Variants in RELN observed in about 807,000 individuals in gnomAD.
RELN encodes the protein reelin.
Under a neutral mutation model 427.6 loss-of-function variants are expected in RELN, and 108 were observed. That is an observed-to-expected ratio of 0.25 (90% confidence interval 0.22 to 0.30). RELN has a LOEUF of 0.30. Among genes scored for constraint, RELN ranks in the 10% least tolerant of loss-of-function variants. The pLI is 1.00. For synonymous variants in RELN, 1,524 were observed against 1,513.4 expected (o/e 1.01, Z -0.16); for missense variants, 3,715 against 4,302.8 (o/e 0.86, Z 3.82).
chr7:103,679,955 G>C (rs1833618786), intron 11 of RELN, among the ~76,000 whole-genome samples: 1 of 152,138 alleles, frequency 6.6e-6, no homozygotes, highest in Non-Finnish European at 1.5e-5. Context: ...GTTACTCATA[G>C]AGAGCTGAAT....
chr7:103,505,792 A>G (rs1161888899), intron 51 of RELN, among the ~76,000 whole-genome samples: 1 of 152,206 alleles, frequency 6.6e-6, no homozygotes, highest in Admixed American at 6.5e-5. Context: ...AACTCCTCCA[A>G]GCTAAAGGCG....
intron 4 of RELN, among the ~76,000 whole-genome samples, chr7:103,773,100 T>TTTTCTTTCTTTCTTTCTTTCTTTCTTTC (rs550940718): frequency 4.7e-5 from 6 of 128,704 alleles, no homozygotes; most frequent in Admixed American, 7.9e-5. Flanking sequence ...GGTTCTCCTC[T>TTTTCTTTCTTTCTTTCTTTCTTTCTTTC]TTTCTTTCTT....
chr7:103,821,799 G>T (rs1339630044), intron 3 of RELN, among the ~76,000 whole-genome samples: 1 of 132,384 alleles, frequency 7.6e-6, no homozygotes, highest in Admixed American at 7.2e-5. Flanking sequence ...TAATTAGAAG[G>T]CTTTTCACTG....
At chr7:103,982,099 G>C (rs1797002230) in intron 1 of RELN, among the ~76,000 whole-genome samples, 1 of 152,028 alleles carries the variant, frequency 6.6e-6, no homozygotes, top group African/African-American at 2.4e-5. Flanking sequence ...CCAGGAGGTG[G>C]AGGTTACAGT....
At chr7:103,983,863 CTGTGTGTGTGTG>C (rs59702742) in intron 1 of RELN, among the ~76,000 whole-genome samples, 2 of 148,430 alleles carry the variant, frequency 1.3e-5, no homozygotes, top group African/African-American at 2.5e-5. Flanking sequence ...CTTCATATTT[CTGTGTGTGTGTG>C]TGTGTGTGTG....
At chr7:103,775,631 C>T (rs1364827605) in intron 4 of RELN, among the ~76,000 whole-genome samples, 1 of 151,952 alleles carries the variant, frequency 6.6e-6, no homozygotes, top group Admixed American at 6.6e-5. Context: ...TCATTCTAAA[C>T]AAAAATTAAT....
chr7:103,919,347 G>A (rs767928926), intron 1 of RELN, among the ~76,000 whole-genome samples: 8 of 151,922 alleles, frequency 5.3e-5, no homozygotes, highest in Non-Finnish European at 8.8e-5. Context: ...TCACTGACTG[G>A]AACACTGGTG....
rs79332145 is a variant in RELN, at chr7:103,593,336, C to T, written c.3912+346G>A. Among the ~76,000 whole-genome samples, 1,375 of 152,222 alleles carry T rather than the reference C, an allele frequency of 9.0e-3. 23 individuals carry two copies. The highest frequency in any genetic ancestry group is 0.031 in the African/African-American group (1,301 of 41,550). On this transcript the variant is annotated intron_variant, in intron 27 of 64. Transcript: ENST00000428762. ...ACCTTGTAAGTTCAAATACCACTAGCAAGATGAAAAGGACAACTTATTCAT... is the reference window on the plus strand; with the variant it reads ...ACCTTGTAAGTTCAAATACCACTAGTAAGATGAAAAGGACAACTTATTCAT...
chr7:103,716,791 A>G (rs1789949025), intron 8 of RELN, among the ~76,000 whole-genome samples: 1 of 152,216 alleles, frequency 6.6e-6, no homozygotes, highest in Non-Finnish European at 1.5e-5. Flanking sequence ...CAGTGTATCT[A>G]TCAAAGCAGA....
intron 26 of RELN, 129 bp from the exon 27 acceptor site, chr7:103,594,011 ATT>A (rs3842178): frequency 5.1e-5 from 37 of 718,602 alleles, no homozygotes; most frequent in Non-Finnish European, 6.9e-5. Context: ...AAGAATCTCT[ATT>A]TTTTTTTACT....
chr7:103,507,930 C>A (rs1410990398), intron 51 of RELN, among the ~76,000 whole-genome samples: 2 of 152,156 alleles, frequency 1.3e-5, no homozygotes, highest in African/African-American at 2.4e-5. Context: ...ACTAGAAAAT[C>A]TAGAAGAAAT....
chr7:103,807,715 T>C (rs1001667781), intron 3 of RELN, among the ~76,000 whole-genome samples: 2 of 152,166 alleles, frequency 1.3e-5, no homozygotes, highest in Non-Finnish European at 2.9e-5. Flanking sequence ...CATGTGGTGT[T>C]TAGTTTTCTG....
intron 1 of RELN, among the ~76,000 whole-genome samples, chr7:103,980,644 A>G (rs1796971721): frequency 6.6e-6 from 1 of 152,354 alleles, no homozygotes; most frequent in African/African-American, 2.4e-5. Flanking sequence ...ATGCACGCAT[A>G]AAATGAGAAT....
intron 1 of RELN, among the ~76,000 whole-genome samples, chr7:103,932,873 A>G (rs1795895469): frequency 6.6e-6 from 1 of 152,214 alleles, no homozygotes; most frequent in Non-Finnish European, 1.5e-5. Context: ...GCAGGAAGAA[A>G]GTGACCTTCC....
chr7:103,807,374 A>T (rs1373445863), intron 3 of RELN, among the ~76,000 whole-genome samples: 3 of 152,186 alleles, frequency 2.0e-5, no homozygotes, highest in African/African-American at 7.2e-5. Context: ...GGCACTGGAT[A>T]CTTTTTGAAA....
chr7:103,505,950 G>C (rs967996090), intron 51 of RELN, among the ~76,000 whole-genome samples: 5 of 152,128 alleles, frequency 3.3e-5, no homozygotes, highest in African/African-American at 1.2e-4. Context: ...GCATACACAA[G>C]TATCAATAGC....
Position 103,880,183 on chromosome 7 carries a change from C to A in RELN, c.337+36892G>T, listed in dbSNP as rs6960198. Among the ~76,000 whole-genome samples, 4 of 151,374 alleles carry A rather than the reference C, an allele frequency of 2.6e-5. No homozygotes were observed. The East Asian group carries it at 7.8e-4, about 30-fold the overall frequency. On this transcript the variant is annotated intron_variant, in intron 2 of 64. Coordinates refer to ENST00000428762, the MANE Select transcript of RELN (RefSeq NM_005045.4). ...TTAAGAAGCAGGTGATGTTAACATC[C>A]ACCATCACAAGCAGAAAGACAGCAA...
At chr7:103,581,639 T>A (rs1831151820) in intron 28 of RELN, among the ~76,000 whole-genome samples, 1 of 152,210 alleles carries the variant, frequency 6.6e-6, no homozygotes, top group African/African-American at 2.4e-5. Flanking sequence ...TATGCTCCTC[T>A]GTAGTGCAAC....
intron 56 of RELN, 121 bp downstream of exon 56, chr7:103,496,405 T>C: frequency 7.4e-7 from 1 of 1,346,334 alleles, no homozygotes; most frequent in Non-Finnish European, 1.1e-6. Flanking sequence ...AGCTAACATT[T>C]GTTGAGCAGG....
Sources: allele counts gnomAD v4.1 joint callset (sites outside exome capture counted in the v4.1 genomes callset), GRCh38; gene constraint gnomAD v4.1.1; transcripts MANE v1.5; gene names NCBI Gene and HGNC (gene_info 2026-07-23, HGNC 2026-07-21).